Variants in CHKA observed in about 807,000 individuals in gnomAD.
The protein encoded by CHKA is CHETK-alpha.
In CHKA, 34 loss-of-function variants were observed where a neutral mutation model predicts 60.1. The observed-to-expected ratio is 0.57, with a 90% CI of 0.43 to 0.75. CHKA has a LOEUF of 0.75. Among genes scored for constraint, CHKA ranks in the 30% least tolerant of loss-of-function variants. CHKA has a pLI of 0.00. For synonymous variants in CHKA, 217 were observed against 223.1 expected, an observed-to-expected ratio of 0.97 and a Z score of 0.24; for missense variants, 563 against 561.3, an observed-to-expected ratio of 1.00 and a Z score of -0.03.
intron 4 of CHKA, among the ~76,000 whole-genome samples, chr11:68,072,956 T>C (rs1156636961): frequency 1.3e-5 from 2 of 152,138 alleles, no homozygotes; most frequent in African/African-American, 4.8e-5. Flanking sequence ...GATCATGCTA[T>C]TGCACTCCAG....
chr11:68,117,973 G>A (rs1299007353), intron 1 of CHKA, among the ~76,000 whole-genome samples: 2 of 152,176 alleles, frequency 1.3e-5, no homozygotes, highest in African/African-American at 4.8e-5. Flanking sequence ...AGTTAGAAAT[G>A]ATCCTGGGGC....
chr11:68,090,493 T>C (rs547215189), intron 2 of CHKA, among the ~76,000 whole-genome samples: 2 of 152,332 alleles, frequency 1.3e-5, no homozygotes, highest in East Asian at 3.9e-4. Context: ...AAATAGGTTT[T>C]AGCAGCTGAT....
intron 4 of CHKA, among the ~76,000 whole-genome samples, chr11:68,073,765 G>A (rs1049655238): frequency 6.6e-6 from 1 of 152,202 alleles, no homozygotes; most frequent in Non-Finnish European, 1.5e-5. Flanking sequence ...GCATCCTAGT[G>A]CTGGGCTCCA....
At position 68,108,067 on chromosome 11, in the gene CHKA, T is replaced by C. The variant is rs781125377; in HGVS notation, c.351-10937A>G. Among the ~76,000 whole-genome samples, 4 of 152,136 alleles carry C rather than the reference T, an allele frequency of 2.6e-5. No homozygotes were observed. In the South Asian group the frequency reaches 6.2e-4, roughly 24 times the overall value. On this transcript the variant is annotated intron_variant, in intron 1 of 11. Transcript: ENST00000265689. ...GCTAGACAGGCTGACGGGGCTCCAC[T>C]GGAGGGGAAAACAGGAAGGAGAACG...
intron 1 of CHKA, among the ~76,000 whole-genome samples, chr11:68,098,353 C>T (rs1590871013): frequency 6.6e-6 from 1 of 151,842 alleles, no homozygotes; most frequent in Non-Finnish European, 1.5e-5. Flanking sequence ...AATCACCTTC[C>T]ATCAGGACTA....
intron 1 of CHKA, among the ~76,000 whole-genome samples, chr11:68,118,738 A>G (rs1439895415): frequency 6.6e-6 from 1 of 152,216 alleles, no homozygotes; most frequent in African/African-American, 2.4e-5. Context: ...AAGGTCATCC[A>G]ATCCAAAAGG....
intron 2 of CHKA, among the ~76,000 whole-genome samples, chr11:68,096,189 C>T (rs376253559): frequency 1.3e-5 from 2 of 151,610 alleles, no homozygotes; most frequent in African/African-American, 2.4e-5. Flanking sequence ...CATGGTGAAA[C>T]CCCGTCTCTA....
intron 3 of CHKA, among the ~76,000 whole-genome samples, chr11:68,078,979 G>A (rs1431106077): frequency 2.0e-5 from 3 of 151,994 alleles, no homozygotes; most frequent in Non-Finnish European, 4.4e-5. Flanking sequence ...GATAGCCCAG[G>A]CTGGAGTGCA....
At chr11:68,092,357 A>G (rs977770346) in intron 2 of CHKA, among the ~76,000 whole-genome samples, 1 of 152,128 alleles carries the variant, frequency 6.6e-6, no homozygotes, top group African/African-American at 2.4e-5. Context: ...GTAGACCATA[A>G]ATATCTCCTT....
chr11:68,089,730 CT>C (rs1488168123), intron 2 of CHKA: 3 of 152,144 alleles, frequency 2.0e-5, no homozygotes, highest in African/African-American at 7.2e-5. Flanking sequence ...TTACAACTTT[CT>C]TTTTTAAAAG....
chr11:68,118,648 CCTT>C (rs1858487224), intron 1 of CHKA, among the ~76,000 whole-genome samples: 2 of 152,044 alleles, frequency 1.3e-5, no homozygotes, highest in South Asian at 4.1e-4. Context: ...CTTTTTTTCT[CCTT>C]ATTAAACTTA....
chr11:68,079,505 G>A (rs928029709), intron 3 of CHKA, among the ~76,000 whole-genome samples: 1 of 151,728 alleles, frequency 6.6e-6, no homozygotes, highest in Non-Finnish European at 1.5e-5. Flanking sequence ...AATTTTTTTT[G>A]TATTTTTAGT....
At chr11:68,078,843 G>A (rs1333137829) in intron 3 of CHKA, among the ~76,000 whole-genome samples, 2 of 151,826 alleles carry the variant, frequency 1.3e-5, no homozygotes, top group African/African-American at 4.8e-5. Context: ...TTGAGATCTA[G>A]CTAAATCTCG....
intron 10 of CHKA, among the ~76,000 whole-genome samples, chr11:68,063,904 C>T (rs1434140553): frequency 6.6e-6 from 1 of 152,178 alleles, no homozygotes; most frequent in Non-Finnish European, 1.5e-5. Context: ...CTGAGGCCTC[C>T]CTGGCCATGC....
chr11:68,112,777 TC>T (rs1458823100), intron 1 of CHKA, among the ~76,000 whole-genome samples: 2 of 152,106 alleles, frequency 1.3e-5, no homozygotes, highest in South Asian at 2.1e-4. Context: ...GAAAACACTT[TC>T]CCACTCAAGA....
intron 1 of CHKA, among the ~76,000 whole-genome samples, chr11:68,112,527 T>C (rs917755428): frequency 2.6e-5 from 4 of 152,200 alleles, no homozygotes; most frequent in African/African-American, 7.2e-5. Flanking sequence ...CCCCAAGTGC[T>C]GGAATTACAG....
chr11:68,115,399 GATA>G (rs754646632), intron 1 of CHKA, among the ~76,000 whole-genome samples: 13 of 152,178 alleles, frequency 8.5e-5, no homozygotes, highest in Non-Finnish European at 1.9e-4. Flanking sequence ...GACTCTGAGT[GATA>G]ATATGTCAAT....
rs1590846801 is a variant in CHKA at position 68,074,633 on chromosome 11, T to C, written c.630+84A>G. On this transcript the variant is annotated intron_variant, in intron 4 of 11. Coordinates refer to ENST00000265689, the MANE Select transcript of CHKA (RefSeq NM_001277.3). ...TGAGGTTAACAGTGAAAACACAGCA[T>C]TGCAGGTTCTTGCAGCAATGAGACA... The C allele has an allele frequency of 1.0e-5, 12 of 1,148,190 alleles. No homozygotes were observed. The Admixed American group carries it at 2.0e-4, about 19-fold the overall frequency. The allele number at this position is 1,148,190 out of a possible 1,614,324, so 71.1% of individuals were successfully genotyped here. A position where few individuals can be genotyped will look rare whatever the true frequency, so the allele number is the denominator to read the frequency against.
rs554543592 is a variant in CHKA, at chr11:68,055,259, G to A, written c.1315-1212C>T. Among the ~76,000 whole-genome samples the A allele has an allele frequency of 2.6e-5, 4 of 152,106 alleles. No homozygotes were observed. The South Asian group carries it at 6.2e-4, about 24-fold the overall frequency. ...TAAAAAATTAGCTGGGTGCGGTGGC[G>A]GGCGCCTGTAATCCCAGCTACTCAA... is the stretch of plus-strand genomic sequence containing the variant. On this transcript the variant is annotated intron_variant, in intron 11 of 11. Transcript: ENST00000265689.
Sources: allele counts gnomAD v4.1 joint callset (sites outside exome capture counted in the v4.1 genomes callset), GRCh38; gene constraint gnomAD v4.1.1; transcripts MANE v1.5; gene names NCBI Gene and HGNC (gene_info 2026-07-23, HGNC 2026-07-21).